DHTKD1: variants seen among roughly 807,000 people sequenced by gnomAD.
DHTKD1 encodes the protein 2-oxoadipate dehydrogenase complex component E1.
DHTKD1 carries 78 observed loss-of-function variants against 101.8 expected under a neutral mutation model. The observed-to-expected ratio is 0.77, with a 90% CI of 0.64 to 0.93. DHTKD1 has a LOEUF of 0.93. DHTKD1 is among the 40% of genes least tolerant of loss of function. The pLI is 0.00. For synonymous variants in DHTKD1, 462 were observed against 450.3 expected, an observed-to-expected ratio of 1.03 and a Z score of -0.33; for missense variants, 1,223 against 1,161.7, an observed-to-expected ratio of 1.05 and a Z score of -0.77.
Position 12,118,633 on chromosome 10 carries a change from T to C in DHTKD1, c.2403-116T>C, listed in dbSNP as rs112318056. The stretch of plus-strand genomic sequence containing the variant: ...TCCTGACCTCGTGATCCGCCCGCCT[T>C]GGCCTCCCAAAGTGCTGAGATTACA... On this transcript the variant is annotated intron_variant, in intron 14 of 16. Coordinates refer to ENST00000263035, the MANE Select transcript of DHTKD1 (RefSeq NM_018706.7). 98,492 of 637,170 alleles carry C rather than the reference T, an allele frequency of 0.15. 10,001 individuals are homozygous for C. The highest frequency in any genetic ancestry group is 0.35 in the African/African-American group (19,075 of 53,964). 39.5% of individuals were successfully genotyped at this position (637,170 alleles called of 1,614,324 possible).
rs574614585 is a variant in DHTKD1, at chr10:12,120,803, G to A, written c.2675G>A (p.Arg892Gln). The A allele has an allele frequency of 1.1e-5, 18 of 1,614,038 alleles. No individual in the cohort carries two copies. The highest frequency in any genetic ancestry group is 3.3e-5 in the South Asian group (3 of 91,080). ...CACTTATAGCTCCGTCTGGTGGGCC[G>A]GCCCCCTTTGCCAGTACCCGCTGTA... Reference protein sequence around the residue: ...QLACKLRLVGRPPLPVPAVGI... With the variant: ...QLACKLRLVGQPPLPVPAVGI... The change falls in exon 17 of 17, where the codon CGG becomes CAG. Residue 892 changes from arginine to glutamine, a missense_variant. Arg to Gln is a conservative substitution (Grantham distance 43, BLOSUM62 1). Transcript: ENST00000263035.
intron 5 of DHTKD1, among the ~76,000 whole-genome samples, chr10:12,090,043 T>A (rs976232742): frequency 6.6e-6 from 1 of 151,906 alleles, no homozygotes; most frequent in African/African-American, 2.4e-5. Flanking sequence ...AAATTATCAG[T>A]GTGGTTCGTT....
chr10:12,084,143 G>A (rs1407626926), intron 2 of DHTKD1, among the ~76,000 whole-genome samples: 1 of 152,012 alleles, frequency 6.6e-6, no homozygotes, highest in Non-Finnish European at 1.5e-5. Context: ...GGCTGGGCTC[G>A]AACTCCTGAC....
intron 1 of DHTKD1, among the ~76,000 whole-genome samples, chr10:12,076,259 C>T (rs1471543183): frequency 2.0e-5 from 3 of 152,164 alleles, no homozygotes; most frequent in Admixed American, 2.0e-4. Flanking sequence ...GGGCGGATCA[C>T]GAGGTCAGGA....
At chr10:12,096,779 C>A (rs1322594890) in intron 7 of DHTKD1, among the ~76,000 whole-genome samples, 1 of 152,134 alleles carries the variant, frequency 6.6e-6, no homozygotes. Flanking sequence ...TATTGTAACA[C>A]CCAGGTGTTG....
chr10:12,069,288 GCCTGAACGCGCGGCCGGT>G, intron 1 of DHTKD1, 101 bp downstream of exon 1: 2 of 662,272 alleles, frequency 3.0e-6, no homozygotes, highest in Non-Finnish European at 4.4e-6. Context: ...CCGGCTGCCG[GCCTGAACGCGCGGCCGGT>G]GGGGAGGAGG....
At chr10:12,093,759 C>T (rs1460094120) in intron 6 of DHTKD1, among the ~76,000 whole-genome samples, 1 of 152,148 alleles carries the variant, frequency 6.6e-6, no homozygotes, top group Non-Finnish European at 1.5e-5. Context: ...ATATTAACTA[C>T]TATGTACCAG....
intron 1 of DHTKD1, among the ~76,000 whole-genome samples, chr10:12,080,163 G>C (rs548975785): frequency 6.6e-6 from 1 of 151,258 alleles, no homozygotes; most frequent in African/African-American, 2.4e-5. Context: ...GCCTGTGGGC[G>C]CCTGTAGGCG....
intron 2 of DHTKD1, among the ~76,000 whole-genome samples, chr10:12,082,886 C>T (rs944836943): frequency 6.6e-6 from 1 of 151,980 alleles, no homozygotes; most frequent in African/African-American, 2.4e-5. Context: ...CTGGTAATCC[C>T]AGCATTTTGG....
rs1389434805 is a variant in DHTKD1 at position 12,110,978 on chromosome 10, GGAGGTTGTAGTGAGCT to G, written c.2155-1914_2155-1899del. Among the ~76,000 whole-genome samples, 1 of 151,038 alleles carries G rather than the reference GGAGGTTGTAGTGAGCT, an allele frequency of 6.6e-6. No homozygotes were observed. The highest frequency in any genetic ancestry group is 1.5e-5 in the Non-Finnish European group (1 of 67,824). ...GGAGGATCACTTGAGCCTGGGAGGC[GGAGGTTGTAGTGAGCT>G]GAGGTTGCACCACTGCATTCCAGCC... On this transcript the variant is annotated intron_variant, in intron 12 of 16. Transcript: ENST00000263035. This position sits in a 1 kb window ranked among gnomAD's most constrained non-coding sequence, Gnocchi z 4.9.
At position 12,121,810 on chromosome 10, in the gene DHTKD1, G is replaced by A. The variant is rs1292000621; in HGVS notation, c.*922G>A. On this transcript the variant is annotated 3_prime_UTR_variant, in exon 17 of 17. Transcript: ENST00000263035. The stretch of plus-strand genomic sequence containing the variant: ...TGTTATGGATTTTAGCTCTGAGTGA[G>A]CTGGAAAACTAGGTCATTATCTAGA... 3.9e-5 allele frequency: 6 copies of A among 152,164 alleles called. No individual in the cohort carries two copies. The highest frequency in any genetic ancestry group is 1.5e-5 in the Non-Finnish European group (1 of 68,034). 9.4% of individuals were successfully genotyped at this position (152,164 alleles called of 1,614,324 possible).
In DHTKD1 at chr10:12,085,877, C is replaced by T. The variant is rs576195306; in HGVS notation, c.522+1126C>T. Among the ~76,000 whole-genome samples, 9 of 152,256 alleles carry T rather than the reference C, an allele frequency of 5.9e-5. No homozygotes were observed. The South Asian group carries it at 1.9e-3, about 32-fold the overall frequency. ...AGTGAGCTAAGATTGCACCACTGTA[C>T]TCCAGTCTGGGCAACAGAGCAAGAC... On this transcript the variant is annotated intron_variant, in intron 3 of 16. Transcript: ENST00000263035.
Position 12,097,761 on chromosome 10 carries a change from A to C in DHTKD1, c.1436A>C (p.Glu479Ala). Residue 479 changes from glutamate (E) to alanine (A), a missense_variant, in exon 8 of 17, where the codon GAA (glutamate) becomes GCA (alanine). By Grantham distance (107) the Glu-to-Ala change is moderately radical. Coordinates refer to ENST00000263035, the MANE Select transcript of DHTKD1 (RefSeq NM_018706.7). ...CTCATGACGCAGGAGGAGGTGTCTG[A>C]AATAAAATCCTCCTACTATGCCAAG... ...GGLMTQEEVSEIKSSYYAKLN... is the reference protein window; with the variant it reads ...GGLMTQEEVSAIKSSYYAKLN... The C allele has an allele frequency of 1.2e-6, 2 of 1,614,170 alleles. No homozygotes were observed. Among genetic ancestry groups the C allele is most frequent in the Non-Finnish European group, 1.7e-6 (2 of 1,180,014 alleles).
chr10:12,088,941 T>C (rs768873512), intron 4 of DHTKD1, 45 bp from the exon 5 acceptor site: 7 of 1,559,346 alleles, frequency 4.5e-6, no homozygotes, highest in Admixed American at 1.7e-5. Context: ...CTAGACTCCA[T>C]TGTGATGAAT....
intron 6 of DHTKD1, 62 bp downstream of exon 6, chr10:12,091,746 C>T: frequency 1.4e-6 from 2 of 1,419,770 alleles, no homozygotes; most frequent in Non-Finnish European, 2.0e-6. Context: ...AGGGAAACCT[C>T]TGGTGCACAC....
At chr10:12,119,179 G>A (rs1017766206) in intron 15 of DHTKD1, among the ~76,000 whole-genome samples, 5 of 150,830 alleles carry the variant, frequency 3.3e-5, no homozygotes, top group Admixed American at 1.3e-4. Flanking sequence ...GGTGGCGGGC[G>A]CCTGTAGTCC....
intron 2 of DHTKD1, among the ~76,000 whole-genome samples, chr10:12,082,337 C>T (rs1251540503): frequency 2.0e-5 from 3 of 152,154 alleles, no homozygotes; most frequent in African/African-American, 4.8e-5. Flanking sequence ...ATACCCGCCT[C>T]ATTCTGTTTT....
Position 12,101,082 on chromosome 10 carries a change from A to G in DHTKD1, c.1797A>G (p.Gly599=), listed in dbSNP as rs1459480195. Residue 599 remains glycine (G), a synonymous_variant, in exon 10 of 17, where the codon GGA becomes GGG. Transcript: ENST00000263035. Reference sequence around the variant, plus strand: ...TAAGTGGCCAAGATGTTGGTCGTGGAACTTTCAGTCAGAGGCATGCAATCG... The same window carrying G: ...TAAGTGGCCAAGATGTTGGTCGTGGGACTTTCAGTCAGAGGCATGCAATCG... The part of the protein sequence containing the change: ...VRLSGQDVGR[G]TFSQRHAIVV... The G allele has an allele frequency of 6.2e-7, 1 of 1,614,174 alleles. No individual in the cohort carries two copies. Among genetic ancestry groups the G allele is most frequent in the Non-Finnish European group, 8.5e-7 (1 of 1,180,034 alleles).
rs1186806164 is a variant in DHTKD1 at position 12,121,610 on chromosome 10, A to AT, written c.*724dup. The AT allele has an allele frequency of 6.6e-6, 1 of 152,212 alleles. No homozygotes were observed. The highest frequency in any genetic ancestry group is 1.5e-5 in the Non-Finnish European group (1 of 68,128). The allele number at this position is 152,212 out of a possible 1,614,324, so 9.4% of individuals were successfully genotyped here. A position where few individuals can be genotyped will look rare whatever the true frequency, so the allele number is the denominator to read the frequency against. Reference sequence around the variant, plus strand: ...CGCCGTTTCTACTAAAAATATGAAAATTAGTTGGGTGTGGTGGCATGCGCT... The same window carrying AT: ...CGCCGTTTCTACTAAAAATATGAAAATTTAGTTGGGTGTGGTGGCATGCGCT... On this transcript the variant is annotated 3_prime_UTR_variant, in exon 17 of 17. Transcript: ENST00000263035.
Sources: allele counts gnomAD v4.1 joint callset (sites outside exome capture counted in the v4.1 genomes callset), GRCh38; gene constraint gnomAD v4.1.1; non-coding constraint Gnocchi (gnomAD v3.1); transcripts MANE v1.5; gene names NCBI Gene and HGNC (gene_info 2026-07-23, HGNC 2026-07-21).